ME1: variants seen among roughly 807,000 people sequenced by gnomAD.
ME1 encodes malic enzyme 1, also known as NADP-dependent malic enzyme.
A neutral mutation model predicts 66.4 loss-of-function variants in ME1; 74 were observed. That is an observed-to-expected ratio of 1.11 (90% CI 0.92 to 1.35). The LOEUF is 1.35. ME1 is among the 40% of genes most tolerant of loss of function. The pLI, the probability that ME1 is intolerant of heterozygous loss-of-function variation, is 0.00. For missense variants in ME1, 750 were observed against 694.1 expected (o/e 1.08, Z -0.90); for synonymous variants, 251 against 235.6 (o/e 1.07, Z -0.60).
At position 83,278,826 on chromosome 6, in the gene ME1, T is replaced by C. The variant is rs73489490; in HGVS notation, c.705-25088A>G. On this transcript the variant is annotated intron_variant, in intron 6 of 13. Transcript: ENST00000369705. Reference sequence around the variant, plus strand: ...AATAGGACTTACCCTCAAGAGAAACTATTTTACCAGATCCTAACTTAATGG... The same window carrying C: ...AATAGGACTTACCCTCAAGAGAAACCATTTTACCAGATCCTAACTTAATGG... 5.3e-3 allele frequency among the ~76,000 whole-genome samples: 803 copies of C among 152,244 alleles called. 11 individuals are homozygous for C. Among genetic ancestry groups the C allele is most frequent in the African/African-American group, 0.018 (751 of 41,546 alleles).
intron 4 of ME1, among the ~76,000 whole-genome samples, chr6:83,347,124 T>C (rs1230796546): frequency 6.6e-6 from 1 of 152,020 alleles, no homozygotes; most frequent in Non-Finnish European, 1.5e-5. Context: ...CGGCTAATTT[T>C]TGTATTTTTA....
chr6:83,287,478 T>A (rs528303296), intron 6 of ME1, among the ~76,000 whole-genome samples: 2 of 152,088 alleles, frequency 1.3e-5, no homozygotes, highest in South Asian at 2.1e-4. Context: ...GCAAAGAACA[T>A]GAACTCATCA....
intron 3 of ME1, among the ~76,000 whole-genome samples, chr6:83,354,610 T>C (rs1309090272): frequency 6.6e-6 from 1 of 152,186 alleles, no homozygotes; most frequent in Non-Finnish European, 1.5e-5. Flanking sequence ...CAGTAGTCAG[T>C]GCACCTCCAC....
At chr6:83,333,753 T>G (rs1050867941) in intron 5 of ME1, among the ~76,000 whole-genome samples, 21 of 152,200 alleles carry the variant, frequency 1.4e-4, no homozygotes, top group African/African-American at 5.1e-4. Flanking sequence ...AGTTGATATG[T>G]GTAGCCCGAA....
At chr6:83,403,615 A>G (rs938775203) in intron 2 of ME1, among the ~76,000 whole-genome samples, 2 of 151,958 alleles carry the variant, frequency 1.3e-5, no homozygotes, top group African/African-American at 4.8e-5. Context: ...TAAGCCCTGC[A>G]TGCATTAGGT....
Position 83,237,300 on chromosome 6 carries a change from GAA to G in ME1, c.1026+415_1026+416del, listed in dbSNP as rs1280926931. On this transcript the variant is annotated intron_variant, in intron 9 of 13. Transcript: ENST00000369705. ...GAAAGGAAGGAAGGAAGGAAAGAAAGAAAAAGAAAGAAAGAAAAGGAAGGAAA... is the reference window on the plus strand; with the variant it reads ...GAAAGGAAGGAAGGAAGGAAAGAAAGAAAGAAAGAAAGAAAAGGAAGGAAA... Among the ~76,000 whole-genome samples, 163 of 52,476 alleles carry G rather than the reference GAA, an allele frequency of 3.1e-3. 13 individuals are homozygous for G. The highest frequency in any genetic ancestry group is 0.011 in the African/African-American group (140 of 12,956). 34.4% of individuals were successfully genotyped at this position (52,476 alleles called of 152,430 possible).
chr6:83,216,718 T>C (rs1413240655), intron 12 of ME1, 122 bp from the exon 13 acceptor site: 15 of 593,480 alleles, frequency 2.5e-5, no homozygotes, highest in African/African-American at 3.8e-5. Context: ...GACATTAATA[T>C]GATTACCTAA....
rs558381706 is a variant in ME1, at chr6:83,236,970, C to G, written c.1026+747G>C. On this transcript the variant is annotated intron_variant, in intron 9 of 13. Coordinates refer to ENST00000369705, the MANE Select transcript of ME1 (RefSeq NM_002395.6). ...ATCCCAGCACTTTGGGAGGCTGAGG[C>G]AGGAGGATCACTTGAGCTCAGGAGT... Among the ~76,000 whole-genome samples the G allele has an allele frequency of 5.3e-5, 8 of 151,642 alleles. No homozygotes were observed. In the South Asian group the frequency reaches 1.0e-3, roughly 20 times the overall value.
chr6:83,393,042 G>A, intron 3 of ME1: 1 of 1,322,830 alleles, frequency 7.6e-7, no homozygotes, highest in Non-Finnish European at 1.1e-6. Context: ...TACTGGTGCT[G>A]CCAAGGCTGT....
chr6:83,412,701 A>AATCTTAAATGC (rs1181575523), intron 1 of ME1, among the ~76,000 whole-genome samples: 190 of 152,338 alleles, frequency 1.2e-3, no homozygotes, highest in African/African-American at 4.4e-3. Context: ...AACATAGATG[A>AATCTTAAATGC]ATCATGTTAA....
intron 6 of ME1, among the ~76,000 whole-genome samples, chr6:83,314,858 T>G (rs986225702): frequency 6.6e-6 from 1 of 152,200 alleles, no homozygotes; most frequent in African/African-American, 2.4e-5. Context: ...TACCAACTCA[T>G]GCTCAATCCC....
At chr6:83,400,581 A>C (rs1769820049) in intron 2 of ME1, among the ~76,000 whole-genome samples, 1 of 152,014 alleles carries the variant, frequency 6.6e-6, no homozygotes, top group Non-Finnish European at 1.5e-5. Context: ...AAATCTGACC[A>C]CCTTTATTGC....
At chr6:83,419,994 G>A (rs181462425) in intron 1 of ME1, among the ~76,000 whole-genome samples, 2 of 152,270 alleles carry the variant, frequency 1.3e-5, no homozygotes, top group East Asian at 3.9e-4. Context: ...TAAAAGAGGG[G>A]ACTTCACTGA....
At chr6:83,384,167 T>A (rs1769458662) in intron 3 of ME1, among the ~76,000 whole-genome samples, 1 of 151,908 alleles carries the variant, frequency 6.6e-6, no homozygotes, top group Non-Finnish European at 1.5e-5. Context: ...GAATGGTTTA[T>A]TTTCCTTTGG....
intron 13 of ME1, among the ~76,000 whole-genome samples, chr6:83,213,967 T>C (rs1789946580): frequency 6.6e-6 from 1 of 152,198 alleles, no homozygotes; most frequent in African/African-American, 2.4e-5. Flanking sequence ...CTTTTCTCTA[T>C]TTGTTTTCCA....
At position 83,410,807 on chromosome 6, in the gene ME1, C is replaced by A. The variant is rs57309832; in HGVS notation, c.79-2906G>T. On this transcript the variant is annotated intron_variant, in intron 1 of 13. Coordinates refer to ENST00000369705, the MANE Select transcript of ME1 (RefSeq NM_002395.6). ...TAACAACATTTATTGTTATAGTTAGCCAGTCTTTTAACATAAATTTTCCAA... is the reference window on the plus strand; with the variant it reads ...TAACAACATTTATTGTTATAGTTAGACAGTCTTTTAACATAAATTTTCCAA... Among the ~76,000 whole-genome samples, 2,434 of 152,186 alleles carry A rather than the reference C, an allele frequency of 0.016. 200 individuals carry two copies. In the East Asian group the frequency reaches 0.25, roughly 16 times the overall value.
intron 6 of ME1, among the ~76,000 whole-genome samples, chr6:83,271,184 T>C (rs1279755643): frequency 6.6e-6 from 1 of 152,184 alleles, no homozygotes; most frequent in Non-Finnish European, 1.5e-5. Context: ...CTAACTCTTT[T>C]CAAAGATAGG....
At chr6:83,406,533 C>G (rs6914164) in intron 2 of ME1, among the ~76,000 whole-genome samples, 1 of 151,862 alleles carries the variant, frequency 6.6e-6, no homozygotes, top group South Asian at 2.1e-4. Context: ...GCCATTTTTA[C>G]GACCTAATCA....
chr6:83,248,432 G>T (rs1011662452), intron 7 of ME1, among the ~76,000 whole-genome samples: 25 of 152,060 alleles, frequency 1.6e-4, no homozygotes, highest in Non-Finnish European at 3.7e-4. Context: ...TGTTTGTAGC[G>T]CCAAAGGCAC....
Sources: allele counts gnomAD v4.1 joint callset (sites outside exome capture counted in the v4.1 genomes callset), GRCh38; gene constraint gnomAD v4.1.1; transcripts MANE v1.5; gene names NCBI Gene and HGNC (gene_info 2026-07-23, HGNC 2026-07-21).